The following PFKL variants were observed in gnomAD, a reference collection of about 807,000 sequenced individuals.
PFKL encodes the protein ATP-dependent 6-phosphofructokinase, liver type.
PFKL carries 74 observed loss-of-function variants against 92.1 expected under a neutral mutation model. The observed-to-expected ratio is 0.80, with a 90% CI of 0.67 to 0.97. The LOEUF is 0.97. PFKL is among the 50% of genes least tolerant of loss of function. PFKL has a pLI of 0.00. For missense variants in PFKL, 1,028 were observed against 1,116.6 expected (o/e 0.92, Z 1.13); for synonymous variants, 494 against 456.4 (o/e 1.08, Z -1.05).
chr21:44,302,272 T>C (rs56317699), intron 1 of PFKL, among the ~76,000 whole-genome samples: 52,179 of 152,164 alleles, frequency 0.34, 10,057 homozygotes, highest in African/African-American at 0.52. Context: ...TCTCTGTATG[T>C]GAGCTCCCAT....
intron 1 of PFKL, chr21:44,304,411 G>C: frequency 8.0e-7 from 1 of 1,247,192 alleles, no homozygotes; most frequent in Non-Finnish European, 1.0e-6. Flanking sequence ...TGGGTGCGCT[G>C]CTCCTGCCCT....
intron 16 of PFKL, 68 bp from the exon 17 acceptor site, chr21:44,324,423 A>C (rs2047440290): frequency 6.5e-7 from 1 of 1,528,092 alleles, no homozygotes; most frequent in Non-Finnish European, 9.0e-7. Flanking sequence ...CCTGCAGGGT[A>C]GCCATGCCGA....
intron 2 of PFKL, among the ~76,000 whole-genome samples, chr21:44,310,599 A>T (rs2047013456): frequency 6.6e-6 from 1 of 152,182 alleles, no homozygotes; most frequent in Non-Finnish European, 1.5e-5. Context: ...AGAAGGAGCC[A>T]CGCACAGCAG....
rs746164505 is a variant in PFKL at position 44,316,571 on chromosome 21, G to T, written c.936+47G>T. 8 of 1,434,206 alleles carry T rather than the reference G, an allele frequency of 5.6e-6. No individual in the cohort carries two copies. In the South Asian group the frequency reaches 8.9e-5, roughly 16 times the overall value. 88.8% of individuals were successfully genotyped at this position (1,434,206 alleles called of 1,614,324 possible). A position where few individuals can be genotyped will look rare whatever the true frequency, so the allele number is the denominator to read the frequency against. ...CTGCGTACGTGCGTGGGTAAGCGTG[G>T]TGTGTGGGTGTGGGTGTGGGCAGTG... is the stretch of plus-strand genomic sequence containing the variant. On this transcript the variant is annotated intron_variant, in intron 9 of 21. Coordinates refer to ENST00000349048, the MANE Select transcript of PFKL (RefSeq NM_002626.6).
chr21:44,314,121 C>T (rs941138203), intron 7 of PFKL, 100 bp downstream of exon 7: 16 of 788,612 alleles, frequency 2.0e-5, no homozygotes, highest in Non-Finnish European at 3.3e-5. Flanking sequence ...ATCTATCACT[C>T]ATGGGTTCAT....
chr21:44,326,578 C>G, intron 21 of PFKL, 137 bp from the exon 22 acceptor site: 1 of 1,188,468 alleles, frequency 8.4e-7, no homozygotes. Context: ...TGTCCCAGCT[C>G]CACGGATACC....
intron 14 of PFKL, 54 bp from the exon 15 acceptor site, chr21:44,322,908 T>C: frequency 4.5e-6 from 6 of 1,334,760 alleles, no homozygotes; most frequent in Non-Finnish European, 6.4e-6. Context: ...AGATGCAATC[T>C]GGACACGCGT....
Position 44,326,101 on chromosome 21 carries a change from C to G in PFKL, c.2089+41C>G, listed in dbSNP as rs751686110. 6.8e-6 allele frequency: 11 copies of G among 1,607,214 alleles called. No individual in the cohort carries two copies. In the Admixed American group the frequency reaches 1.0e-4, roughly 15 times the overall value. On this transcript the variant is annotated intron_variant, in intron 20 of 21. Transcript: ENST00000349048. Reference sequence around the variant, plus strand: ...GACCCGAGGCCTCACTTTGCCCTCCCCTGGCTCCCTGGGGCAGGGCCTCAC... The same window carrying G: ...GACCCGAGGCCTCACTTTGCCCTCCGCTGGCTCCCTGGGGCAGGGCCTCAC...
chr21:44,302,733 C>A (rs2040812005), intron 1 of PFKL, among the ~76,000 whole-genome samples: 1 of 152,204 alleles, frequency 6.6e-6, no homozygotes. Context: ...CCTGGGACTT[C>A]TCGGGCCTTG....
At chr21:44,311,909 T>G (rs1377965670) in intron 3 of PFKL, among the ~76,000 whole-genome samples, 196 bp from the exon 4 acceptor site, 2 of 152,168 alleles carry the variant, frequency 1.3e-5, no homozygotes, top group Non-Finnish European at 2.9e-5. Context: ...GACATCATCC[T>G]CCTCTTTGTC....
intron 1 of PFKL, 81 bp from the exon 2 acceptor site, chr21:44,306,600 C>T: frequency 3.1e-6 from 4 of 1,270,928 alleles, no homozygotes; most frequent in East Asian, 5.0e-5. Context: ...CCTCCCCTAC[C>T]CCCTGTCCTC....
intron 9 of PFKL, among the ~76,000 whole-genome samples, 194 bp from the exon 10 acceptor site, chr21:44,318,276 T>C (rs765077726): frequency 2.6e-4 from 39 of 152,186 alleles, no homozygotes; most frequent in Non-Finnish European, 5.0e-4. Flanking sequence ...CAGCGAGGAC[T>C]CTGTGAAATG....
At chr21:44,325,898 G>A in intron 19 of PFKL, 63 bp from the exon 20 acceptor site, 1 of 1,240,704 alleles carries the variant, frequency 8.1e-7, no homozygotes, top group Non-Finnish European at 1.2e-6. Context: ...TGTCTGCACT[G>A]GCGTTGGCCT....
At chr21:44,323,939 G>C (rs743481) in intron 16 of PFKL, 21 bp downstream of exon 16, 1 of 1,612,640 alleles carries the variant, frequency 6.2e-7, no homozygotes, top group Middle Eastern at 1.7e-4. Flanking sequence ...CCTGGACACC[G>C]GCCTGCCATG....
chr21:44,306,303 G>C (rs1427302891), intron 1 of PFKL, among the ~76,000 whole-genome samples: 1 of 152,150 alleles, frequency 6.6e-6, no homozygotes, highest in East Asian at 1.9e-4. Context: ...GCTCTGCATG[G>C]GATGTTCCCA....
chr21:44,308,095 T>G, intron 2 of PFKL, among the ~76,000 whole-genome samples: 2 of 150,498 alleles, frequency 1.3e-5, no homozygotes, highest in African/African-American at 2.5e-5. Flanking sequence ...CCCTCGGAGG[T>G]GGGGGAATGC....
intron 11 of PFKL, 77 bp downstream of exon 11, chr21:44,319,492 T>C (rs976794206): frequency 1.6e-6 from 2 of 1,221,758 alleles, no homozygotes; most frequent in Non-Finnish European, 2.4e-6. Flanking sequence ...GCAGTGGCGC[T>C]ATGCACGCCT....
intron 11 of PFKL, 25 bp from the exon 12 acceptor site, chr21:44,320,059 A>G (rs1403959712): frequency 5.6e-6 from 9 of 1,609,912 alleles, no homozygotes; most frequent in South Asian, 5.5e-5. Flanking sequence ...AGGGCTGTGC[A>G]TGGTGTGACC....
chr21:44,306,596 C>T (rs2040950559), intron 1 of PFKL, 85 bp from the exon 2 acceptor site: 4 of 1,248,580 alleles, frequency 3.2e-6, no homozygotes, highest in South Asian at 2.6e-5. Flanking sequence ...CAGGCCTCCC[C>T]TACCCCCTGT....
Sources: allele counts gnomAD v4.1 joint callset (sites outside exome capture counted in the v4.1 genomes callset), GRCh38; gene constraint gnomAD v4.1.1; transcripts MANE v1.5; gene names NCBI Gene and HGNC (gene_info 2026-07-23, HGNC 2026-07-21).